SLC9A7: variants seen among roughly 807,000 people sequenced by gnomAD.
SLC9A7 encodes solute carrier family 9 member A7.
A neutral mutation model predicts 52.6 loss-of-function variants in SLC9A7; 19 were observed. That is an observed-to-expected ratio of 0.36 (90% CI 0.25 to 0.53). The LOEUF is 0.53. Ranked by LOEUF, SLC9A7 falls within the 20% of genes least tolerant of loss-of-function variation. SLC9A7 has a pLI of 0.91. For synonymous variants in SLC9A7, 226 were observed against 252.1 expected (o/e 0.90, Z 0.98); for missense variants, 455 against 597.9 (o/e 0.76, Z 2.49).
chrX:46,708,139 G>GTC (rs1395942470), intron 1 of SLC9A7, among the ~76,000 whole-genome samples: 1 of 112,061 alleles, frequency 8.9e-6, no homozygotes, highest in Non-Finnish European at 1.9e-5. Flanking sequence ...ACAAGACCCT[G>GTC]TCTCAAAAAT....
intron 11 of SLC9A7, among the ~76,000 whole-genome samples, chrX:46,643,968 G>T (rs983298265): frequency 1.8e-5 from 2 of 112,028 alleles, no homozygotes; most frequent in Non-Finnish European, 3.8e-5. Flanking sequence ...TTAGATCAAA[G>T]GGACGAACAT....
intron 1 of SLC9A7, among the ~76,000 whole-genome samples, chrX:46,747,850 A>C (rs1408934539): frequency 8.9e-6 from 1 of 112,111 alleles, no homozygotes; most frequent in Non-Finnish European, 1.9e-5. Context: ...CTTCACACCT[A>C]CTAGGGTGGC....
At chrX:46,738,026 C>CG (rs1569525197) in intron 1 of SLC9A7, among the ~76,000 whole-genome samples, 1 of 71,217 alleles carries the variant, frequency 1.4e-5, no homozygotes, top group African/African-American at 5.8e-5. Flanking sequence ...GACCCTGTCT[C>CG]AAAAAAAAGA....
chrX:46,714,007 C>G, intron 1 of SLC9A7, among the ~76,000 whole-genome samples: 1 of 110,298 alleles, frequency 9.1e-6, no homozygotes, highest in Non-Finnish European at 1.9e-5. Context: ...TCAATGTTTT[C>G]TGCTTCTTCC....
chrX:46,663,731 C>T (rs947343720), intron 5 of SLC9A7, among the ~76,000 whole-genome samples: 5 of 108,334 alleles, frequency 4.6e-5, no homozygotes, highest in Admixed American at 4.0e-4. Flanking sequence ...GAGGCTGAGG[C>T]GGGTAGATCC....
intron 14 of SLC9A7, among the ~76,000 whole-genome samples, chrX:46,625,713 CAAA>C (rs756504189): frequency 4.4e-5 from 2 of 45,088 alleles, no homozygotes. Context: ...GTCTCTCTCT[CAAA>C]AAAAAAAAAA....
Position 46,648,430 on chromosome X carries a change from C to T in SLC9A7, c.1462+256G>A, listed in dbSNP as rs770929199. ...TCAAGCACTTTAAACACCATATCTC[C>T]AGGTCCGTTGAGTGGTAGTGATGAA... On this transcript the variant is annotated intron_variant, in intron 11 of 16. Transcript: ENST00000616978. Among the ~76,000 whole-genome samples, 4 of 111,395 alleles carry T rather than the reference C, an allele frequency of 3.6e-5. No individual in the cohort carries two copies. In the East Asian group the frequency reaches 1.1e-3, roughly 32 times the overall value.
chrX:46,711,899 TACACACAC>T (rs57570264), intron 1 of SLC9A7, among the ~76,000 whole-genome samples: 47 of 91,184 alleles, frequency 5.2e-4, no homozygotes, highest in African/African-American at 1.7e-3. Context: ...GCCTCTAAAT[TACACACAC>T]ACACACACAC....
intron 10 of SLC9A7, 46 bp downstream of exon 10, chrX:46,651,064 G>C: frequency 1.3e-6 from 1 of 781,263 alleles, no homozygotes; most frequent in Non-Finnish European, 1.9e-6. Context: ...TTCTCCAACA[G>C]TGGTCGTCTC....
chrX:46,694,172 T>TA (rs1024160586), intron 1 of SLC9A7, among the ~76,000 whole-genome samples: 31 of 103,275 alleles, frequency 3.0e-4, no homozygotes, highest in Admixed American at 1.3e-3. Context: ...AAGTCAAAAT[T>TA]AAAAAAAAAG....
At chrX:46,755,084 C>T (rs1922538801) in intron 1 of SLC9A7, among the ~76,000 whole-genome samples, 1 of 112,327 alleles carries the variant, frequency 8.9e-6, no homozygotes, top group African/African-American at 3.2e-5. Context: ...TAGCTACCTT[C>T]CCTTGTAGCT....
At chrX:46,624,083 C>T (rs890529173) in intron 14 of SLC9A7, among the ~76,000 whole-genome samples, 8 of 112,564 alleles carry the variant, frequency 7.1e-5, no homozygotes, top group African/African-American at 9.7e-5. Flanking sequence ...TCCAAGTTGG[C>T]GCCACATACT....
chrX:46,669,840 T>C, intron 4 of SLC9A7, 121 bp from the exon 5 acceptor site: 1 of 362,144 alleles, frequency 2.8e-6, no homozygotes, highest in Non-Finnish European at 4.8e-6. Flanking sequence ...GCAGCTGCCA[T>C]GGTTTCACAC....
rs1265024365 is a variant in SLC9A7, at chrX:46,613,357, G to A, written c.1861C>T (p.Leu621=). The part of the protein sequence containing the change: ...KPILTHSGPP[L]TTTLPAWCGL... The stretch of plus-strand genomic sequence containing the variant: ...CACCAGGCGGGGAGCGTGGTGGTTA[G>A]TGGGGGACCACTGTGTGTGAGGATG... Residue 621 remains leucine (L), a synonymous_variant, in exon 16 of 17, where the codon CTA becomes TTA. Coordinates refer to ENST00000616978, the MANE Select transcript of SLC9A7 (RefSeq NM_001257291.2). The A allele has an allele frequency of 8.3e-7, 1 of 1,206,666 alleles. No individual in the cohort carries two copies. The highest frequency in any genetic ancestry group is 1.1e-6 in the Non-Finnish European group (1 of 892,484).
chrX:46,615,020 G>A (rs1014943279), intron 15 of SLC9A7, among the ~76,000 whole-genome samples: 2 of 112,266 alleles, frequency 1.8e-5, no homozygotes, highest in Admixed American at 9.4e-5. Flanking sequence ...CAAAGAGGAT[G>A]TGCAGGCCTG....
At chrX:46,677,385 T>C (rs771519369) in intron 3 of SLC9A7, among the ~76,000 whole-genome samples, 8 of 112,053 alleles carry the variant, frequency 7.1e-5, no homozygotes, top group South Asian at 3.7e-4. Context: ...GCAGCCCCAT[T>C]ACTAAAGGCT....
At chrX:46,727,207 C>T (rs974266628) in intron 1 of SLC9A7, among the ~76,000 whole-genome samples, 4 of 111,927 alleles carry the variant, frequency 3.6e-5, no homozygotes, top group Admixed American at 2.8e-4. Flanking sequence ...AACTGATCCC[C>T]GCATACCCTA....
intron 14 of SLC9A7, among the ~76,000 whole-genome samples, chrX:46,625,022 G>A (rs985687245): frequency 9.0e-6 from 1 of 111,339 alleles, no homozygotes; most frequent in Non-Finnish European, 1.9e-5. Flanking sequence ...TGGGGGGTAG[G>A]GGGAGGGGAG....
intron 14 of SLC9A7, among the ~76,000 whole-genome samples, chrX:46,631,074 T>C (rs1445467370): frequency 8.9e-6 from 1 of 111,926 alleles, no homozygotes; most frequent in Non-Finnish European, 1.9e-5. Flanking sequence ...AGGCTCCTGG[T>C]TTTCCCACCT....
Sources: allele counts gnomAD v4.1 joint callset (sites outside exome capture counted in the v4.1 genomes callset), GRCh38; gene constraint gnomAD v4.1.1; transcripts MANE v1.5; gene names NCBI Gene and HGNC (gene_info 2026-07-23, HGNC 2026-07-21).